PTGR1: variants seen among roughly 807,000 people sequenced by gnomAD.
The protein encoded by PTGR1 is 15-oxoprostaglandin 13-reductase.
In PTGR1, 23 loss-of-function variants were observed where a neutral mutation model predicts 37.7. That is an observed-to-expected ratio of 0.61 (90% CI 0.44 to 0.86). The LOEUF (loss-of-function observed/expected upper bound fraction) is 0.86, where lower values mean the gene tolerates loss of function less well. Among genes scored for constraint, PTGR1 ranks in the 40% least tolerant of loss-of-function variants. The pLI is 0.00. For synonymous variants in PTGR1, 134 were observed against 140.0 expected (o/e 0.96, Z 0.30); for missense variants, 351 against 394.3 (o/e 0.89, Z 0.93).
chr9:111,594,411 G>A (rs1829715249), intron 2 of PTGR1, 144 bp from the exon 3 acceptor site: 1 of 715,500 alleles, frequency 1.4e-6, no homozygotes, highest in East Asian at 2.7e-5. Context: ...CTGCCTGGGT[G>A]ACAGGATCAT....
At chr9:111,556,470 A>C (rs1305401680) in intron 9 of PTGR1, among the ~76,000 whole-genome samples, 1 of 152,250 alleles carries the variant, frequency 6.6e-6, no homozygotes, top group African/African-American at 2.4e-5. Flanking sequence ...GAGGTTCTCC[A>C]CAAAGGCTGT....
chr9:111,576,484 G>C (rs953959128), intron 7 of PTGR1: 3 of 1,597,730 alleles, frequency 1.9e-6, no homozygotes, highest in Non-Finnish European at 1.7e-6. Flanking sequence ...CTGCAGTGCA[G>C]TTCAAGAGGC....
At position 111,574,751 on chromosome 9, in the gene PTGR1, G is replaced by A; in HGVS notation, c.743C>T (p.Thr248Ile). Residue 248 changes from threonine to isoleucine, a missense_variant, in exon 8 of 10, where the codon ACC becomes ATC. By Grantham distance (89) the Thr-to-Ile change is moderately conservative. Coordinates refer to ENST00000407693, the MANE Select transcript of PTGR1 (RefSeq NM_001146108.2). ...CTCATTACCTGGGGGAAGTGGGCCG[G>A]TTCTGTTATATGTAGAGATGGCTCC... ...ICGAISTYNR[T>I]GPLPPGPPPE... 6.2e-7 allele frequency: 1 copy of A among 1,613,102 alleles called. No homozygotes were observed. The highest frequency in any genetic ancestry group is 1.1e-5 in the South Asian group (1 of 90,924).
intron 9 of PTGR1, chr9:111,549,814 A>C: frequency 8.8e-6 from 13 of 1,473,072 alleles, no homozygotes; most frequent in Non-Finnish European, 1.2e-5. Flanking sequence ...CAACACAATC[A>C]GAACATTTAG....
chr9:111,583,370 C>G, intron 6 of PTGR1, 102 bp downstream of exon 6: 1 of 948,022 alleles, frequency 1.1e-6, no homozygotes. Flanking sequence ...AAGAAGACAA[C>G]TAGACTATAA....
chr9:111,584,518 A>G (rs1191357135), intron 5 of PTGR1, among the ~76,000 whole-genome samples: 1 of 152,186 alleles, frequency 6.6e-6, no homozygotes, highest in African/African-American at 2.4e-5. Flanking sequence ...TGAGTGAAAT[A>G]TGAATTTGGG....
At chr9:111,554,658 T>C (rs549447639) in intron 9 of PTGR1, among the ~76,000 whole-genome samples, 1 of 152,326 alleles carries the variant, frequency 6.6e-6, no homozygotes, top group East Asian at 1.9e-4. Flanking sequence ...GGATAATTTG[T>C]GTCCTAGGAG....
chr9:111,573,724 C>T (rs1455962191), intron 8 of PTGR1, among the ~76,000 whole-genome samples: 1 of 152,102 alleles, frequency 6.6e-6, no homozygotes, highest in Non-Finnish European at 1.5e-5. Context: ...CTCTGGTCCT[C>T]TTGGCCATTC....
intron 4 of PTGR1, 56 bp downstream of exon 4, chr9:111,592,870 C>A: frequency 6.3e-7 from 1 of 1,580,806 alleles, no homozygotes; most frequent in Non-Finnish European, 8.6e-7. Flanking sequence ...CAGGACCCAG[C>A]AGGAGGTAAA....
At chr9:111,563,289 G>A (rs1191913330) in intron 9 of PTGR1, 58 bp from the exon 10 acceptor site, 2 of 1,474,664 alleles carry the variant, frequency 1.4e-6, no homozygotes, top group African/African-American at 2.8e-5. Flanking sequence ...ATGATATACT[G>A]TTCTCATCCT....
chr9:111,590,853 A>G (rs1239021232), intron 4 of PTGR1, among the ~76,000 whole-genome samples: 1 of 152,228 alleles, frequency 6.6e-6, no homozygotes, highest in Non-Finnish European at 1.5e-5. Flanking sequence ...GAAAAAATTG[A>G]AAACAGTTGT....
chr9:111,559,750 C>T (rs539576655), downstream of PTGR1, among the ~76,000 whole-genome samples: 7 of 152,334 alleles, frequency 4.6e-5, no homozygotes, highest in South Asian at 1.2e-3. Context: ...TCTCCCACCC[C>T]AAACCCCAGC....
chr9:111,582,051 T>C (rs1829296378), intron 6 of PTGR1, among the ~76,000 whole-genome samples: 1 of 151,846 alleles, frequency 6.6e-6, no homozygotes, highest in Non-Finnish European at 1.5e-5. Flanking sequence ...AGAATGTAAA[T>C]AAAACTTAGG....
At chr9:111,569,431 C>T in intron 9 of PTGR1, among the ~76,000 whole-genome samples, 1 of 152,158 alleles carries the variant, frequency 6.6e-6, no homozygotes. Context: ...CCAAGTGAGG[C>T]TAAGAATCAA....
At chr9:111,596,718 C>T (rs1408437253) in intron 2 of PTGR1, among the ~76,000 whole-genome samples, 2 of 151,338 alleles carry the variant, frequency 1.3e-5, no homozygotes, top group African/African-American at 4.9e-5. Context: ...GCCGAGATTG[C>T]TCCACTGCAA....
intron 9 of PTGR1, among the ~76,000 whole-genome samples, chr9:111,566,701 T>A (rs1828576306): frequency 6.6e-6 from 1 of 152,186 alleles, no homozygotes; most frequent in African/African-American, 2.4e-5. Flanking sequence ...ATTTATTCAG[T>A]GCCTACATTG....
rs753215559 is a variant in PTGR1 at position 111,578,961 on chromosome 9, A to G, written c.496-10T>C. The G allele has an allele frequency of 4.2e-3, 4,080 of 968,534 alleles. No individual in the cohort carries two copies. The highest frequency in any genetic ancestry group is 0.021 in the East Asian group (516 of 24,960). 60.0% of individuals were successfully genotyped at this position (968,534 alleles called of 1,614,324 possible). A position where few individuals can be genotyped will look rare whatever the true frequency, so the allele number is the denominator to read the frequency against. ...CAACAACTTTGCAGCCCTAAGTAGA[A>G]AAAAAAAAAAAAAGGAAACCATGAA... On this transcript the variant is annotated splice_polypyrimidine_tract_variant and intron_variant, in intron 6 of 9. Coordinates refer to ENST00000407693, the MANE Select transcript of PTGR1 (RefSeq NM_001146108.2).
At chr9:111,589,779 C>T (rs755490665) in intron 4 of PTGR1, among the ~76,000 whole-genome samples, 8 of 151,992 alleles carry the variant, frequency 5.3e-5, no homozygotes, top group South Asian at 2.1e-4. Context: ...GGATTACAAG[C>T]GCCCACCACT....
At chr9:111,570,045 T>C in intron 9 of PTGR1, 46 bp downstream of exon 9, 2 of 1,610,392 alleles carry the variant, frequency 1.2e-6, no homozygotes, top group Middle Eastern at 1.7e-4. Context: ...GCAAAGGGAG[T>C]GTGACCTAGT....
Sources: allele counts gnomAD v4.1 joint callset (sites outside exome capture counted in the v4.1 genomes callset), GRCh38; gene constraint gnomAD v4.1.1; transcripts MANE v1.5; gene names NCBI Gene and HGNC (gene_info 2026-07-23, HGNC 2026-07-21).